NFATC2: variants seen among roughly 807,000 people sequenced by gnomAD.
The protein encoded by NFATC2 is nuclear factor of activated T cells 2.
A neutral mutation model predicts 87.3 loss-of-function variants in NFATC2; 22 were observed. The ratio of observed to expected loss-of-function variants is 0.25; its 90% CI spans 0.18 to 0.36. NFATC2 has a LOEUF of 0.36. NFATC2 is among the 10% of genes least tolerant of loss of function. NFATC2 has a pLI of 1.00. For synonymous variants in NFATC2, 565 were observed against 542.2 expected (o/e 1.04, Z -0.58); for missense variants, 1,149 against 1,259.1 (o/e 0.91, Z 1.32).
intron 10 of NFATC2, among the ~76,000 whole-genome samples, chr20:51,392,201 T>G (rs148809466): frequency 7.1e-4 from 108 of 152,320 alleles, no homozygotes; most frequent in Non-Finnish European, 1.3e-3. Flanking sequence ...AGAGGAACCC[T>G]TACAAAGAGA....
chr20:51,495,167 C>T (rs530668511), intron 3 of NFATC2, among the ~76,000 whole-genome samples: 1 of 152,344 alleles, frequency 6.6e-6, no homozygotes, highest in African/African-American at 2.4e-5. Context: ...TCACTGCAAC[C>T]TCCGCCTCCT....
intron 6 of NFATC2, among the ~76,000 whole-genome samples, chr20:51,453,969 A>G (rs1383327125): frequency 2.6e-5 from 4 of 152,272 alleles, no homozygotes; most frequent in Non-Finnish European, 5.9e-5. Flanking sequence ...TCCTAGAAGT[A>G]TAAGCTGATT....
intron 3 of NFATC2, among the ~76,000 whole-genome samples, chr20:51,512,048 GCT>G (rs2076279513): frequency 6.6e-6 from 1 of 152,158 alleles, no homozygotes; most frequent in East Asian, 1.9e-4. Flanking sequence ...CATGTGCTGT[GCT>G]CTGTGTGTAG....
chr20:51,477,533 G>GTATATATA (rs1203933981), intron 3 of NFATC2, among the ~76,000 whole-genome samples: 1 of 68,550 alleles, frequency 1.5e-5, no homozygotes, highest in African/African-American at 6.1e-5. Flanking sequence ...GTGTGTGTGT[G>GTATATATA]TCTATATATA....
rs565563025 is a variant in NFATC2, at chr20:51,499,168, G to A, written c.1332+17616C>T. ...GAGGGCTCAGAATGGGGGTGGTGTA[G>A]ACCAAGGTACACTCTGAACAGATCC... On this transcript the variant is annotated intron_variant, in intron 3 of 10. Coordinates refer to ENST00000371564, the MANE Select transcript of NFATC2 (RefSeq NM_012340.5). 2.6e-5 allele frequency among the ~76,000 whole-genome samples: 4 copies of A among 152,326 alleles called. No homozygotes were observed. In the East Asian group the frequency reaches 7.7e-4, roughly 29 times the overall value.
At chr20:51,541,939 C>T (rs563250691) in intron 1 of NFATC2, among the ~76,000 whole-genome samples, 1 of 152,228 alleles carries the variant, frequency 6.6e-6, no homozygotes, top group Admixed American at 6.5e-5. Flanking sequence ...CTGCACCCCC[C>T]TTCCTTCTTT....
chr20:51,458,137 G>T (rs565711809), intron 5 of NFATC2, among the ~76,000 whole-genome samples: 1 of 152,090 alleles, frequency 6.6e-6, no homozygotes, highest in Non-Finnish European at 1.5e-5. Context: ...TCGGCCTCCC[G>T]AAGTGTTGGG....
intron 5 of NFATC2, among the ~76,000 whole-genome samples, chr20:51,463,446 C>G (rs1987354993): frequency 6.6e-6 from 1 of 152,208 alleles, no homozygotes; most frequent in Non-Finnish European, 1.5e-5. Flanking sequence ...GTGAGACTTT[C>G]CTATCTCATC....
At chr20:51,488,780 C>T (rs2075828319) in intron 3 of NFATC2, among the ~76,000 whole-genome samples, 1 of 152,186 alleles carries the variant, frequency 6.6e-6, no homozygotes, top group Non-Finnish European at 1.5e-5. Context: ...CTGCCTTGTC[C>T]CTTGTCCCTA....
chr20:51,487,558 C>G (rs563011869), intron 3 of NFATC2, among the ~76,000 whole-genome samples: 1 of 152,308 alleles, frequency 6.6e-6, no homozygotes, highest in South Asian at 2.1e-4. Context: ...AAATGTTCCA[C>G]CAGAGACATC....
chr20:51,531,839 C>T (rs148388638), intron 1 of NFATC2, among the ~76,000 whole-genome samples: 3 of 152,270 alleles, frequency 2.0e-5, no homozygotes, highest in Non-Finnish European at 4.4e-5. Context: ...AACTTGAACG[C>T]ACTAGTCCCC....
intron 6 of NFATC2, among the ~76,000 whole-genome samples, chr20:51,439,114 A>G (rs1459966485): frequency 6.6e-6 from 1 of 152,162 alleles, no homozygotes; most frequent in Non-Finnish European, 1.5e-5. Context: ...TGCCCTCAAG[A>G]TACCGTGGAA....
At chr20:51,511,844 T>C (rs965027541) in intron 3 of NFATC2, among the ~76,000 whole-genome samples, 3 of 152,176 alleles carry the variant, frequency 2.0e-5, no homozygotes, top group African/African-American at 7.2e-5. Context: ...CAGAATCAAG[T>C]TCCTCCTCTA....
At chr20:51,445,242 A>G (rs1023543930) in intron 6 of NFATC2, among the ~76,000 whole-genome samples, 1 of 151,970 alleles carries the variant, frequency 6.6e-6, no homozygotes, top group Non-Finnish European at 1.5e-5. Flanking sequence ...CTCACGACGC[A>G]CCAGCCGCCC....
At chr20:51,472,607 G>T (rs1045054869) in intron 5 of NFATC2, among the ~76,000 whole-genome samples, 20 of 146,908 alleles carry the variant, frequency 1.4e-4, no homozygotes, top group Non-Finnish European at 2.4e-4. Flanking sequence ...CTGGAACAAT[G>T]CTTATTTTTT....
chr20:51,517,319 G>A (rs2076367806), intron 2 of NFATC2, among the ~76,000 whole-genome samples: 1 of 152,144 alleles, frequency 6.6e-6, no homozygotes, highest in African/African-American at 2.4e-5. Context: ...GCTGGGTGTG[G>A]TGGCTCATGA....
In NFATC2 at chr20:51,480,004, G is replaced by C. The variant is rs185061791; in HGVS notation, c.1333-4344C>G. Among the ~76,000 whole-genome samples the C allele has an allele frequency of 1.7e-3, 261 of 152,160 alleles. 2 individuals are homozygous for C. The highest frequency in any genetic ancestry group is 6.1e-3 in the African/African-American group (252 of 41,508). ...GTGCAACATCAAGAATGTGCTTCCT[G>C]GGGCCAGGCGCGGTGGCTCGTGCCT... On this transcript the variant is annotated intron_variant, in intron 3 of 10. Coordinates refer to ENST00000371564, the MANE Select transcript of NFATC2 (RefSeq NM_012340.5). The surrounding 1 kb of genome is among the most constrained non-coding windows in gnomAD (Gnocchi z 4.2).
At chr20:51,498,237 A>T (rs1002615661) in intron 3 of NFATC2, among the ~76,000 whole-genome samples, 1 of 151,644 alleles carries the variant, frequency 6.6e-6, no homozygotes, top group Non-Finnish European at 1.5e-5. Flanking sequence ...CATCACCCAG[A>T]CTCCCAGGGC....
rs114546440 is a variant in NFATC2, at chr20:51,524,639, C to T, written c.131-529G>A. ...CAGCACTCTACACACATGACGTGGA[C>T]GCAGGACACAGAGGGAGGCTGCGCA... On this transcript the variant is annotated intron_variant, in intron 1 of 10. Coordinates refer to ENST00000371564, the MANE Select transcript of NFATC2 (RefSeq NM_012340.5). The surrounding 1 kb of genome is among the most constrained non-coding windows in gnomAD (Gnocchi z 4.0). Among the ~76,000 whole-genome samples, 366 of 152,184 alleles carry T rather than the reference C, an allele frequency of 2.4e-3. 1 individual carries two copies. The highest frequency in any genetic ancestry group is 8.6e-3 in the African/African-American group (355 of 41,500).
Sources: allele counts gnomAD v4.1 joint callset (sites outside exome capture counted in the v4.1 genomes callset), GRCh38; gene constraint gnomAD v4.1.1; non-coding constraint Gnocchi (gnomAD v3.1); transcripts MANE v1.5; gene names NCBI Gene and HGNC (gene_info 2026-07-23, HGNC 2026-07-21).